Variants in PLS1 observed in about 807,000 individuals in gnomAD.
The protein encoded by PLS1 is plastin 1.
A neutral mutation model predicts 73.7 loss-of-function variants in PLS1; 32 were observed. The ratio of observed to expected loss-of-function variants is 0.43; its 90% CI spans 0.33 to 0.58. The LOEUF is 0.58. Ranked by LOEUF, PLS1 falls within the 20% of genes least tolerant of loss-of-function variation. The pLI is 0.04. For missense variants in PLS1, 633 were observed against 740.5 expected (o/e 0.85, Z 1.68); for synonymous variants, 217 against 261.3 (o/e 0.83, Z 1.63).
At chr3:142,711,479 T>A in intron 14 of PLS1, 22 bp from the exon 15 acceptor site, 1 of 1,524,756 alleles carries the variant, frequency 6.6e-7, no homozygotes, top group Non-Finnish European at 9.0e-7. Context: ...TTATGAATGT[T>A]CATCTATGCT....
intron 1 of PLS1, among the ~76,000 whole-genome samples, chr3:142,659,874 C>T (rs2037329751): frequency 6.6e-6 from 1 of 152,074 alleles, no homozygotes; most frequent in East Asian, 1.9e-4. Context: ...TTTACTTCCA[C>T]TTTAAGCACG....
chr3:142,659,246 G>A (rs1423197749), intron 1 of PLS1, among the ~76,000 whole-genome samples: 1 of 152,218 alleles, frequency 6.6e-6, no homozygotes, highest in Non-Finnish European at 1.5e-5. Flanking sequence ...GGGCTAGCTT[G>A]AGAAGTCAGA....
At chr3:142,670,493 C>G (rs1274012288) in intron 3 of PLS1, among the ~76,000 whole-genome samples, 2 of 152,060 alleles carry the variant, frequency 1.3e-5, no homozygotes, top group Non-Finnish European at 2.9e-5. Context: ...AAAAAAAAAC[C>G]CAATCACTTT....
intron 4 of PLS1, among the ~76,000 whole-genome samples, chr3:142,672,180 A>G (rs940273841): frequency 6.6e-6 from 1 of 152,132 alleles, no homozygotes; most frequent in East Asian, 1.9e-4. Flanking sequence ...CAACCAGAAC[A>G]AGACATGGAA....
chr3:142,668,606 C>CTT (rs11327433), intron 2 of PLS1, among the ~76,000 whole-genome samples: 1 of 143,660 alleles, frequency 7.0e-6, no homozygotes, highest in Non-Finnish European at 1.5e-5. Flanking sequence ...ATGCTTATTC[C>CTT]TTTTTTTTTT....
chr3:142,600,768 G>A (rs1195346540), intron 1 of PLS1, among the ~76,000 whole-genome samples: 9 of 150,196 alleles, frequency 6.0e-5, no homozygotes, highest in African/African-American at 7.4e-5. Context: ...CACAGGCAAC[G>A]ATGGTCCATT....
chr3:142,704,760 T>G (rs1038975578), intron 14 of PLS1, among the ~76,000 whole-genome samples, 174 bp downstream of exon 14: 3 of 147,966 alleles, frequency 2.0e-5, no homozygotes, highest in South Asian at 4.4e-4. Flanking sequence ...ACCATTCTCC[T>G]GCCTCAGCCT....
chr3:142,712,182 G>A lies in PLS1; in HGVS notation c.*175G>A, dbSNP rs1378886240. 3.9e-6 allele frequency: 2 copies of A among 511,122 alleles called. No homozygotes were observed. Among genetic ancestry groups the A allele is most frequent in the Non-Finnish European group, 3.4e-6 (1 of 294,214 alleles). The allele number at this position is 511,122 out of a possible 1,614,324, so 31.7% of individuals were successfully genotyped here. A position where few individuals can be genotyped will look rare whatever the true frequency, so the allele number is the denominator to read the frequency against. On this transcript the variant is annotated 3_prime_UTR_variant, in exon 16 of 16. Transcript: ENST00000457734. Reference sequence around the variant, plus strand: ...AGTTAGAGCTGGTCAGCCTTTTTGGGTAACACAGTTAATTTACCAACTGAT... The same window carrying A: ...AGTTAGAGCTGGTCAGCCTTTTTGGATAACACAGTTAATTTACCAACTGAT...
At chr3:142,705,686 C>A (rs2038445792) in intron 14 of PLS1, among the ~76,000 whole-genome samples, 1 of 152,172 alleles carries the variant, frequency 6.6e-6, no homozygotes, top group Non-Finnish European at 1.5e-5. Context: ...ATTTTTATTT[C>A]TCTCTTTGCC....
intron 1 of PLS1, among the ~76,000 whole-genome samples, chr3:142,631,248 T>C (rs1577802950): frequency 6.7e-6 from 1 of 150,290 alleles, no homozygotes. Flanking sequence ...GCATGGTGGC[T>C]CACGCCTGTA....
intron 14 of PLS1, among the ~76,000 whole-genome samples, chr3:142,705,859 C>A (rs1046144441): frequency 5.3e-5 from 8 of 151,860 alleles, no homozygotes; most frequent in African/African-American, 1.2e-4. Flanking sequence ...TTGATTTCCA[C>A]CCCCCCTTTT....
intron 9 of PLS1, among the ~76,000 whole-genome samples, chr3:142,688,096 C>T (rs961318192): frequency 1.3e-5 from 2 of 151,900 alleles, no homozygotes; most frequent in African/African-American, 4.8e-5. Flanking sequence ...TACAGGTGCA[C>T]ACCACCACAC....
intron 1 of PLS1, among the ~76,000 whole-genome samples, chr3:142,599,318 ATAT>A (rs2035870527): frequency 3.8e-5 from 5 of 131,470 alleles, no homozygotes; most frequent in Non-Finnish European, 8.1e-5. Context: ...AGGGACTCAG[ATAT>A]TCTTTTTTTT....
intron 5 of PLS1, among the ~76,000 whole-genome samples, 189 bp downstream of exon 5, chr3:142,676,478 A>G (rs1211149869): frequency 6.6e-6 from 1 of 152,220 alleles, no homozygotes; most frequent in Non-Finnish European, 1.5e-5. Flanking sequence ...TTTCCTTCAA[A>G]TACAATCCCT....
chr3:142,677,856 C>T (rs2037755146), intron 5 of PLS1, among the ~76,000 whole-genome samples, 176 bp from the exon 6 acceptor site: 1 of 152,086 alleles, frequency 6.6e-6, no homozygotes, highest in African/African-American at 2.4e-5. Flanking sequence ...AACTCTTGGG[C>T]TCAGCCTCCC....
intron 10 of PLS1, among the ~76,000 whole-genome samples, chr3:142,693,842 C>G (rs1289079931): frequency 6.6e-6 from 1 of 151,990 alleles, no homozygotes; most frequent in Non-Finnish European, 1.5e-5. Flanking sequence ...CTCTTATCAA[C>G]CTGTATTGGG....
chr3:142,708,111 A>G (rs1932936849), intron 14 of PLS1, among the ~76,000 whole-genome samples: 1 of 152,216 alleles, frequency 6.6e-6, no homozygotes, highest in Admixed American at 6.5e-5. Context: ...TAAGGGCTCA[A>G]TAAATGGGGC....
chr3:142,599,550 C>T (rs1388756008), intron 1 of PLS1, among the ~76,000 whole-genome samples: 2 of 151,370 alleles, frequency 1.3e-5, no homozygotes, highest in Non-Finnish European at 1.5e-5. Flanking sequence ...AGGATGGTCT[C>T]GATCTCCTGA....
At chr3:142,639,876 A>T (rs578020757) in intron 1 of PLS1, among the ~76,000 whole-genome samples, 2 of 152,346 alleles carry the variant, frequency 1.3e-5, no homozygotes, top group East Asian at 3.9e-4. Context: ...TGTTTGACAT[A>T]GTGTTAAACA....
Sources: allele counts gnomAD v4.1 joint callset (sites outside exome capture counted in the v4.1 genomes callset), GRCh38; gene constraint gnomAD v4.1.1; transcripts MANE v1.5; gene names NCBI Gene and HGNC (gene_info 2026-07-23, HGNC 2026-07-21).